The following RABGAP1L variants were observed in gnomAD, a reference collection of about 807,000 sequenced individuals.
The protein encoded by RABGAP1L is RAB GTPase activating protein 1 like.
Under a neutral mutation model 137.7 loss-of-function variants are expected in RABGAP1L, and 63 were observed. The observed-to-expected ratio is 0.46, with a 90% CI of 0.37 to 0.56. RABGAP1L has a LOEUF of 0.56. Among genes scored for constraint, RABGAP1L ranks in the 20% least tolerant of loss-of-function variants. RABGAP1L has a pLI of 0.00. For missense variants in RABGAP1L, 1,095 were observed against 1,244.0 expected (o/e 0.88, Z 1.80); for synonymous variants, 431 against 433.7 (o/e 0.99, Z 0.08).
At chr1:174,426,740 G>A (rs1652008218) in intron 13 of RABGAP1L, among the ~76,000 whole-genome samples, 1 of 151,920 alleles carries the variant, frequency 6.6e-6, no homozygotes, top group East Asian at 1.9e-4. Flanking sequence ...CATCTTATTA[G>A]TACATTTAGA....
chr1:174,653,763 A>C (rs1372663406), intron 14 of RABGAP1L, among the ~76,000 whole-genome samples: 1 of 152,216 alleles, frequency 6.6e-6, no homozygotes, highest in Admixed American at 6.5e-5. Flanking sequence ...GATTACTTTC[A>C]TTTAAATGTT....
intron 15 of RABGAP1L, among the ~76,000 whole-genome samples, chr1:174,695,302 T>G (rs903801115): frequency 3.3e-5 from 5 of 151,774 alleles, no homozygotes; most frequent in African/African-American, 9.6e-5. Context: ...TTTTTATTCT[T>G]TTTGTTGTTG....
chr1:174,847,254 A>G (rs1010368019), intron 19 of RABGAP1L, among the ~76,000 whole-genome samples: 1 of 151,682 alleles, frequency 6.6e-6, no homozygotes, highest in African/African-American at 2.4e-5. Flanking sequence ...TTATGTGTGA[A>G]TTTGATCCTG....
rs1230891084 is a variant in RABGAP1L, at chr1:174,550,983, CATATATATATATACACATATATATAT to C, written c.1711-86376_1711-86351del. Among the ~76,000 whole-genome samples the C allele has an allele frequency of 6.0e-5, 5 of 83,424 alleles. No homozygotes were observed. In the South Asian group the frequency reaches 1.0e-3, roughly 17 times the overall value. 54.7% of individuals were successfully genotyped at this position (83,424 alleles called of 152,430 possible). A position where few individuals can be genotyped will look rare whatever the true frequency, so the allele number is the denominator to read the frequency against. On this transcript the variant is annotated intron_variant, in intron 13 of 25. Coordinates refer to ENST00000681986, the MANE Select transcript of RABGAP1L (RefSeq NM_001366446.1). The stretch of plus-strand genomic sequence containing the variant: ...ACACATATATATACATGTATATATA[CATATATATATATACACATATATATAT>C]ATATATATATATACATACACACACA...
intron 1 of RABGAP1L, among the ~76,000 whole-genome samples, chr1:174,209,236 C>T (rs143550849): frequency 6.6e-6 from 1 of 152,256 alleles, no homozygotes; most frequent in African/African-American, 2.4e-5. Flanking sequence ...AGGCCTGGGA[C>T]CAGTATCAGT....
intron 19 of RABGAP1L, among the ~76,000 whole-genome samples, chr1:174,895,476 G>A (rs920098381): frequency 1.3e-5 from 2 of 150,800 alleles, no homozygotes; most frequent in Admixed American, 6.6e-5. Context: ...AAGTTCTAGG[G>A]TACATGTGCA....
chr1:174,811,520 AT>A (rs922787378), intron 18 of RABGAP1L, among the ~76,000 whole-genome samples: 25 of 152,196 alleles, frequency 1.6e-4, no homozygotes, highest in African/African-American at 5.8e-4. Flanking sequence ...TTTTAGCCTT[AT>A]TCTTTTCTCA....
intron 17 of RABGAP1L, among the ~76,000 whole-genome samples, chr1:174,708,728 G>A (rs1156866249): frequency 6.6e-6 from 1 of 152,210 alleles, no homozygotes; most frequent in Non-Finnish European, 1.5e-5. Flanking sequence ...CGTTTGGGCA[G>A]ACACCAAGCT....
intron 19 of RABGAP1L, among the ~76,000 whole-genome samples, chr1:174,822,869 C>G (rs1357022706): frequency 1.3e-5 from 2 of 152,212 alleles, no homozygotes; most frequent in African/African-American, 4.8e-5. Context: ...TGTTTCTACC[C>G]TGTACCTACT....
Position 174,252,662 on chromosome 1 carries a change from G to A in RABGAP1L, c.986+72G>A, listed in dbSNP as rs1269280362. Reference sequence around the variant, plus strand: ...GTTACTGTCTCAGATGCATTGCTCAGTGTGGCTTTTCACTATACTTCATTT... The same window carrying A: ...GTTACTGTCTCAGATGCATTGCTCAATGTGGCTTTTCACTATACTTCATTT... On this transcript the variant is annotated intron_variant, in intron 7 of 25. Transcript: ENST00000681986. 8 of 1,538,666 alleles carry A rather than the reference G, an allele frequency of 5.2e-6. No individual in the cohort carries two copies. The East Asian group carries it at 1.7e-4, about 33-fold the overall frequency.
At chr1:174,354,858 C>T (rs1683485380) in intron 11 of RABGAP1L, among the ~76,000 whole-genome samples, 1 of 152,180 alleles carries the variant, frequency 6.6e-6, no homozygotes, top group African/African-American at 2.4e-5. Flanking sequence ...GGAAGGGATC[C>T]AGTTTCAACT....
intron 14 of RABGAP1L, among the ~76,000 whole-genome samples, chr1:174,677,348 A>G (rs1677716548): frequency 6.6e-6 from 1 of 152,182 alleles, no homozygotes; most frequent in African/African-American, 2.4e-5. Context: ...AGAACTTATA[A>G]TAAACCATTG....
chr1:174,633,745 C>G (rs912942471), intron 13 of RABGAP1L, among the ~76,000 whole-genome samples: 3 of 140,946 alleles, frequency 2.1e-5, no homozygotes, highest in African/African-American at 8.4e-5. Flanking sequence ...CTACAACTAT[C>G]TGATCTTTGA....
chr1:174,516,259 G>T (rs1662836729), intron 13 of RABGAP1L, among the ~76,000 whole-genome samples: 1 of 151,964 alleles, frequency 6.6e-6, no homozygotes, highest in Non-Finnish European at 1.5e-5. Flanking sequence ...GGGCTCAAGT[G>T]ATCCTCCTCC....
chr1:174,556,190 G>C (rs1359751959), intron 13 of RABGAP1L, among the ~76,000 whole-genome samples: 1 of 151,746 alleles, frequency 6.6e-6, no homozygotes, highest in Non-Finnish European at 1.5e-5. Flanking sequence ...TAGAAATGGG[G>C]TTTCACCATC....
At chr1:174,599,529 A>G (rs75777834) in intron 13 of RABGAP1L, among the ~76,000 whole-genome samples, 2,229 of 152,298 alleles carry the variant, frequency 0.015, 27 homozygotes, top group Middle Eastern at 0.044. Flanking sequence ...TAGGTCAGCA[A>G]TTAATGAAAT....
intron 1 of RABGAP1L, among the ~76,000 whole-genome samples, chr1:174,183,550 A>G (rs6656188): frequency 0.59 from 89,303 of 152,160 alleles, 29,193 homozygotes; most frequent in African/African-American, 0.9. Flanking sequence ...AGCCTTCCCC[A>G]CTATCGACAT....
At chr1:174,835,310 T>C (rs929639792) in intron 19 of RABGAP1L, among the ~76,000 whole-genome samples, 3 of 152,172 alleles carry the variant, frequency 2.0e-5, no homozygotes, top group Non-Finnish European at 2.9e-5. Flanking sequence ...ACCACTGATA[T>C]AATAAAACTA....
chr1:174,386,229 G>T (rs1191279636), intron 12 of RABGAP1L, among the ~76,000 whole-genome samples: 1 of 152,146 alleles, frequency 6.6e-6, no homozygotes, highest in Non-Finnish European at 1.5e-5. Flanking sequence ...CACTCTCCAT[G>T]TGTTAATTTA....
Sources: gnomAD v4.1 joint callset for allele counts (sites outside exome capture counted in the v4.1 genomes callset) on GRCh38, gnomAD v4.1.1 for gene constraint, MANE v1.5 for transcripts, NCBI Gene and HGNC (gene_info 2026-07-23, HGNC 2026-07-21) for gene names.